The following PSMA6 variants were observed in gnomAD, a reference collection of about 807,000 sequenced individuals.
PSMA6 encodes the protein proteasome subunit alpha type-6.
For synonymous variants in PSMA6, 88 were observed against 97.7 expected (o/e 0.90, Z 0.59); for missense variants, 170 against 294.8 (o/e 0.58, Z 3.10).
chr14:35,291,981 C>T (rs1056666322), upstream of PSMA6, among the ~76,000 whole-genome samples: 1 of 152,172 alleles, frequency 6.6e-6, no homozygotes, highest in African/African-American at 2.4e-5. Context: ...CAGCTGCAAC[C>T]TGTTTCCCCC....
At chr14:35,299,402 G>A (rs2415286) in intron 1 of PSMA6, among the ~76,000 whole-genome samples, 111,922 of 145,964 alleles carry the variant, frequency 0.77, 42,933 homozygotes, top group Middle Eastern at 0.83. Flanking sequence ...GGCTTGCTGC[G>A]ACCTCTGTCT....
chr14:35,288,825 T>C (rs1030066150), upstream of PSMA6, among the ~76,000 whole-genome samples: 8 of 152,234 alleles, frequency 5.3e-5, no homozygotes, highest in Admixed American at 5.2e-4. Context: ...CTCAGCACTT[T>C]GGGAGGGCAA....
chr14:35,306,992 C>T (rs889483606), intron 1 of PSMA6, among the ~76,000 whole-genome samples: 8 of 151,888 alleles, frequency 5.3e-5, no homozygotes, highest in African/African-American at 1.7e-4. Flanking sequence ...ACTAAAAATA[C>T]AAAAACTTAG....
chr14:35,283,035 G>A (rs1594372079), intron 1 of PSMA6, among the ~76,000 whole-genome samples: 2 of 151,972 alleles, frequency 1.3e-5, no homozygotes, highest in Non-Finnish European at 2.9e-5. Flanking sequence ...AGTGGAGTCA[G>A]GGTTTCACCA....
intron 1 of PSMA6, among the ~76,000 whole-genome samples, chr14:35,307,723 G>A (rs1166039678): frequency 1.3e-5 from 2 of 151,152 alleles, no homozygotes; most frequent in African/African-American, 4.8e-5. Context: ...GACAGAGCGA[G>A]ACTCTGTTTA....
intron 4 of PSMA6, among the ~76,000 whole-genome samples, chr14:35,312,357 A>G (rs906168322): frequency 3.9e-5 from 6 of 151,918 alleles, no homozygotes; most frequent in Non-Finnish European, 8.8e-5. Context: ...AACACAAAAA[A>G]TTAGCTGGGC....
intron 4 of PSMA6, among the ~76,000 whole-genome samples, chr14:35,312,407 T>C (rs567828382): frequency 2.0e-5 from 3 of 146,360 alleles, no homozygotes; most frequent in African/African-American, 7.8e-5. Context: ...CTCGGGAGGC[T>C]GAGGCAGGAG....
At chr14:35,285,939 G>A (rs1464210144) in intron 1 of PSMA6, among the ~76,000 whole-genome samples, 2 of 152,192 alleles carry the variant, frequency 1.3e-5, no homozygotes, top group Admixed American at 1.3e-4. Context: ...AGTGTGCAGT[G>A]CAGGCCCATG....
chr14:35,299,722 C>G (rs1195555583), intron 1 of PSMA6, among the ~76,000 whole-genome samples: 1 of 152,142 alleles, frequency 6.6e-6, no homozygotes, highest in African/African-American at 2.4e-5. Context: ...AAAAGATACT[C>G]TTTAGGTGTT....
At chr14:35,291,958 A>ACGGCTG (rs1047408639), upstream of PSMA6, among the ~76,000 whole-genome samples, 6 of 152,258 alleles carry the variant, frequency 3.9e-5, no homozygotes, top group African/African-American at 1.4e-4. Flanking sequence ...CCTAAATTTA[A>ACGGCTG]CGGCTGCAGC....
Position 35,312,488 on chromosome 14 carries a change from CAG to C in PSMA6, c.410-390_410-389del, listed in dbSNP as rs1358101854. Among the ~76,000 whole-genome samples the C allele has an allele frequency of 7.3e-5, 9 of 123,386 alleles. No homozygotes were observed. The South Asian group carries it at 9.8e-4, about 13-fold the overall frequency. 80.9% of individuals were successfully genotyped at this position (123,386 alleles called of 152,430 possible). A position where few individuals can be genotyped will look rare whatever the true frequency, so the allele number is the denominator to read the frequency against. On this transcript the variant is annotated intron_variant, in intron 4 of 6. Coordinates refer to ENST00000261479, the MANE Select transcript of PSMA6 (RefSeq NM_002791.3). ...TGCCACTGCACTCCAGCCTGGGAGA[CAG>C]AGCGAGAGTCTGTCTCAAAAAAAAA...
chr14:35,306,383 G>A (rs777511751), intron 1 of PSMA6, among the ~76,000 whole-genome samples: 12 of 151,904 alleles, frequency 7.9e-5, no homozygotes, highest in Non-Finnish European at 1.3e-4. Context: ...ATAGTGAGAC[G>A]TCATCTCTAC....
chr14:35,292,842 C>T (rs2051512349), intron 1 of PSMA6: 6 of 533,000 alleles, frequency 1.1e-5, no homozygotes, highest in Non-Finnish European at 2.1e-5. Context: ...CGTGAGGCCC[C>T]TTCAGTTATT....
In PSMA6 at chr14:35,313,053, A is replaced by G. The variant is rs1464967071; in HGVS notation, c.582A>G (p.Thr194=). ...AATTTGATTGGACATTTGAACAGAC[A>G]GTGGAAGTAAGTCAACCAAAAGGAG... ...KKKFDWTFEQ[T]VETAITCLST... The change falls in exon 5 of 7, where the codon ACA becomes ACG. Residue 194 remains threonine (T), a synonymous_variant. Coordinates refer to ENST00000261479, the MANE Select transcript of PSMA6 (RefSeq NM_002791.3). The G allele has an allele frequency of 1.9e-6, 3 of 1,565,594 alleles. No homozygotes were observed. Among genetic ancestry groups the G allele is most frequent in the Non-Finnish European group, 2.6e-6 (3 of 1,165,840 alleles).
At chr14:35,315,402 A>C (rs1204924539) in intron 6 of PSMA6, 3 of 152,088 alleles carry the variant, frequency 2.0e-5, no homozygotes, top group Admixed American at 1.3e-4. Context: ...ACTTTAAAAA[A>C]AAAAAAACAG....
At chr14:35,291,823 CAAAAAAAAAAA>C (rs113987343), upstream of PSMA6, among the ~76,000 whole-genome samples, 7 of 47,736 alleles carry the variant, frequency 1.5e-4, 1 homozygote, top group East Asian at 6.1e-4. Context: ...AACTCTGTCT[CAAAAAAAAAAA>C]AAAAAAAAAA....
chr14:35,286,902 A>T (rs975267524), intron 1 of PSMA6, among the ~76,000 whole-genome samples: 2 of 152,056 alleles, frequency 1.3e-5, no homozygotes, highest in Non-Finnish European at 2.9e-5. Context: ...GGGTTGCTTT[A>T]TTGGAATCTG....
intron 1 of PSMA6, among the ~76,000 whole-genome samples, chr14:35,300,810 G>A (rs555853277): frequency 1.3e-5 from 2 of 152,274 alleles, no homozygotes; most frequent in Admixed American, 1.3e-4. Context: ...TTGGGAAAGG[G>A]CAGGAGGTTA....
chr14:35,280,066 A>G (rs1333374891), intron 1 of PSMA6, among the ~76,000 whole-genome samples: 1 of 151,604 alleles, frequency 6.6e-6, no homozygotes, highest in Admixed American at 6.6e-5. Flanking sequence ...CGGAGCTTGC[A>G]GTGAGCCGAG....
Sources: gnomAD v4.1 joint callset for allele counts (sites outside exome capture counted in the v4.1 genomes callset) on GRCh38, gnomAD v4.1.1 for gene constraint, MANE v1.5 for transcripts, NCBI Gene and HGNC (gene_info 2026-07-23, HGNC 2026-07-21) for gene names.